Variants in RBPJ observed in about 807,000 individuals in gnomAD.
The protein encoded by RBPJ is recombining binding protein suppressor of hairless.
RBPJ carries 9 observed loss-of-function variants against 67.8 expected under a neutral mutation model. The ratio of observed to expected loss-of-function variants is 0.13; its 90% CI spans 0.08 to 0.23. The LOEUF is 0.23. Ranked by LOEUF, RBPJ falls within the 10% of genes least tolerant of loss-of-function variation. The probability of loss-of-function intolerance (pLI) is 1.00; values close to 1 mark genes in which losing one functional copy is unlikely to be tolerated. For synonymous variants in RBPJ, 198 were observed against 203.3 expected, an observed-to-expected ratio of 0.97 and a Z score of 0.22; for missense variants, 305 against 595.6, an observed-to-expected ratio of 0.51 and a Z score of 5.08.
intron 1 of RBPJ, among the ~76,000 whole-genome samples, chr4:26,256,906 T>C (rs1720360843): frequency 6.6e-6 from 1 of 152,152 alleles, no homozygotes; most frequent in Non-Finnish European, 1.5e-5. Flanking sequence ...AAACCTCTGG[T>C]CTCCTGGTTG....
chr4:26,423,330 C>T (rs929094235), intron 5 of RBPJ, among the ~76,000 whole-genome samples: 8 of 152,122 alleles, frequency 5.3e-5, no homozygotes, highest in African/African-American at 1.9e-4. Context: ...AAAGGCAGGC[C>T]AAGGTGATCA....
At chr4:26,399,548 G>A (rs1465783100) in intron 2 of RBPJ, among the ~76,000 whole-genome samples, 1 of 150,184 alleles carries the variant, frequency 6.7e-6, no homozygotes, top group Non-Finnish European at 1.5e-5. Context: ...TATAAAAAAA[G>A]TTTGAATTTT....
the RBPJ span, among the ~76,000 whole-genome samples, chr4:26,120,883 C>G: frequency 7.1e-6 from 1 of 140,980 alleles, no homozygotes; most frequent in South Asian, 2.3e-4. Context: ...CTTATCTAGC[C>G]CTATGTGATT....
intron 1 of RBPJ, among the ~76,000 whole-genome samples, chr4:26,297,257 C>A (rs769859080): frequency 3.3e-5 from 5 of 152,134 alleles, no homozygotes; most frequent in Middle Eastern, 6.8e-3. Context: ...GAGCACACCA[C>A]AGCACTCAGC....
intron 1 of RBPJ, among the ~76,000 whole-genome samples, chr4:26,282,193 G>A (rs867893799): frequency 1.5e-5 from 2 of 137,104 alleles, no homozygotes; most frequent in African/African-American, 5.6e-5. Context: ...ATCTAAAAAG[G>A]AATTTTGCTA....
intron 2 of RBPJ, among the ~76,000 whole-genome samples, chr4:26,395,353 G>A (rs1732013462): frequency 6.6e-6 from 1 of 152,160 alleles, no homozygotes; most frequent in Admixed American, 6.5e-5. Flanking sequence ...GGAAGGCTAA[G>A]GTGGGGTGAT....
rs73810222 is a variant in RBPJ, at chr4:26,390,517, C to T, written c.59+4126C>T. On this transcript the variant is annotated intron_variant, in intron 2 of 10. Transcript: ENST00000355476. ...ATTCTGCGGAATCTTGCTACTAGAA[C>T]TGATAAGTGAGTTTAGCAAGGTAGT... Among the ~76,000 whole-genome samples the T allele has an allele frequency of 9.3e-3, 1,416 of 152,222 alleles. 31 individuals are homozygous for T. The highest frequency in any genetic ancestry group is 0.032 in the African/African-American group (1,319 of 41,506).
chr4:26,397,885 G>A (rs1006671350), intron 2 of RBPJ, among the ~76,000 whole-genome samples: 1 of 151,998 alleles, frequency 6.6e-6, no homozygotes, highest in African/African-American at 2.4e-5. Flanking sequence ...CGCCTGCGTC[G>A]GCCTCCCAAA....
intron 1 of RBPJ, among the ~76,000 whole-genome samples, chr4:26,294,969 G>A (rs1252738378): frequency 1.3e-5 from 2 of 152,140 alleles, no homozygotes; most frequent in Non-Finnish European, 2.9e-5. Flanking sequence ...GACGGAAAGA[G>A]GAATCAGGGA....
At chr4:26,352,851 A>T (rs1726952582) in intron 1 of RBPJ, among the ~76,000 whole-genome samples, 1 of 152,366 alleles carries the variant, frequency 6.6e-6, no homozygotes, top group African/African-American at 2.4e-5. Flanking sequence ...CTGGGAGGAC[A>T]TTGCTTCTTA....
chr4:26,166,885 AT>A (rs1222659594), intron 1 of RBPJ, among the ~76,000 whole-genome samples: 2 of 152,188 alleles, frequency 1.3e-5, no homozygotes, highest in Non-Finnish European at 2.9e-5. Context: ...TCTTGAATTA[AT>A]GTTTGTATAA....
At chr4:26,235,670 G>C (rs1182584695) in intron 1 of RBPJ, among the ~76,000 whole-genome samples, 1 of 152,198 alleles carries the variant, frequency 6.6e-6, no homozygotes. Flanking sequence ...CCCTCTAGCT[G>C]TTCCAGAGCT....
At chr4:26,428,093 TTGTC>T (rs1577677077) in intron 7 of RBPJ, among the ~76,000 whole-genome samples, 1 of 152,196 alleles carries the variant, frequency 6.6e-6, no homozygotes, top group Non-Finnish European at 1.5e-5. Flanking sequence ...TTTGAGCAAT[TTGTC>T]TGACCTTTCT....
intron 1 of RBPJ, among the ~76,000 whole-genome samples, chr4:26,376,951 CTA>C (rs1729810859): frequency 1.3e-5 from 2 of 152,144 alleles, no homozygotes; most frequent in African/African-American, 4.8e-5. Context: ...AGAGAAATGT[CTA>C]TTCCTTTGCT....
At chr4:26,206,195 A>G (rs923788744) in intron 1 of RBPJ, among the ~76,000 whole-genome samples, 3 of 152,214 alleles carry the variant, frequency 2.0e-5, no homozygotes, top group Admixed American at 2.0e-4. Flanking sequence ...CAGTTCCATC[A>G]TGGCTACAAT....
intron 1 of RBPJ, among the ~76,000 whole-genome samples, chr4:26,365,454 G>A (rs997097273): frequency 6.6e-6 from 1 of 151,914 alleles, no homozygotes; most frequent in East Asian, 1.9e-4. Flanking sequence ...TTCATGAGTG[G>A]GTCAAGAAAT....
chr4:26,153,911 G>T, the RBPJ span, among the ~76,000 whole-genome samples: 153 of 152,138 alleles, frequency 1.0e-3, no homozygotes, highest in Admixed American at 2.6e-3. Context: ...TCGTGCCACT[G>T]CACTCCAGCC....
At chr4:26,274,191 C>T (rs1721008119) in intron 1 of RBPJ, among the ~76,000 whole-genome samples, 1 of 152,212 alleles carries the variant, frequency 6.6e-6, no homozygotes, top group Non-Finnish European at 1.5e-5. Context: ...GCCCCATGCT[C>T]ACACCCACAC....
At chr4:26,319,698 T>C (rs917257449), upstream of RBPJ, 2 of 695,012 alleles carry the variant, frequency 2.9e-6, no homozygotes, top group Non-Finnish European at 5.3e-6. Context: ...AGCGTGAGAC[T>C]GGACTGCCCG....
Sources: allele counts gnomAD v4.1 joint callset (sites outside exome capture counted in the v4.1 genomes callset), GRCh38; gene constraint gnomAD v4.1.1; transcripts MANE v1.5; gene names NCBI Gene and HGNC (gene_info 2026-07-23, HGNC 2026-07-21).